Variants in PLD5 observed in about 807,000 individuals in gnomAD.
The protein encoded by PLD5 is inactive phospholipase D5.
PLD5 carries 36 observed loss-of-function variants against 61.1 expected under a neutral mutation model. The observed-to-expected ratio is 0.59, with a 90% CI of 0.45 to 0.78. PLD5 has a LOEUF of 0.78. Ranked by LOEUF, PLD5 falls within the 30% of genes least tolerant of loss-of-function variation. The pLI is 0.00. For synonymous variants in PLD5, 243 were observed against 242.8 expected (o/e 1.00, Z -0.01); for missense variants, 515 against 644.4 (o/e 0.80, Z 2.17).
At chr1:242,338,533 T>C (rs989086661) in intron 2 of PLD5, among the ~76,000 whole-genome samples, 18 of 152,292 alleles carry the variant, frequency 1.2e-4, no homozygotes, top group African/African-American at 4.1e-4. Flanking sequence ...GTCAACATCA[T>C]TAATCATATA....
At chr1:242,252,770 G>T (rs950261205) in intron 4 of PLD5, among the ~76,000 whole-genome samples, 1 of 150,862 alleles carries the variant, frequency 6.6e-6, no homozygotes, top group African/African-American at 2.4e-5. Context: ...CTTTCTGAAA[G>T]ACTGCCATTT....
chr1:242,344,674 G>C (rs1452599807), intron 2 of PLD5, among the ~76,000 whole-genome samples: 1 of 151,974 alleles, frequency 6.6e-6, no homozygotes, highest in Non-Finnish European at 1.5e-5. Context: ...TTTAATCTAT[G>C]ATTTTTAAGG....
chr1:242,340,602 C>T (rs531148764), intron 2 of PLD5, among the ~76,000 whole-genome samples: 78 of 152,058 alleles, frequency 5.1e-4, no homozygotes, highest in African/African-American at 1.5e-3. Context: ...ATGACAGATG[C>T]TATTGTATCA....
chr1:242,212,197 G>T (rs982565996), intron 5 of PLD5, among the ~76,000 whole-genome samples: 1 of 152,118 alleles, frequency 6.6e-6, no homozygotes, highest in African/African-American at 2.4e-5. Context: ...AAGGGGAAAC[G>T]GAGGTTTTGC....
chr1:242,229,323 C>A (rs1355686507), intron 4 of PLD5, among the ~76,000 whole-genome samples: 1 of 152,152 alleles, frequency 6.6e-6, no homozygotes, highest in East Asian at 1.9e-4. Context: ...CGCATATTAC[C>A]AGCAGCTTTA....
chr1:242,331,698 A>G (rs1659182717), intron 2 of PLD5, among the ~76,000 whole-genome samples: 2 of 152,194 alleles, frequency 1.3e-5, no homozygotes, highest in Middle Eastern at 3.2e-3. Context: ...TGTGTCTTAT[A>G]TTGTTCAAAA....
At chr1:242,385,142 A>G (rs1662526210) in intron 1 of PLD5, among the ~76,000 whole-genome samples, 1 of 152,254 alleles carries the variant, frequency 6.6e-6, no homozygotes, top group Non-Finnish European at 1.5e-5. Context: ...CACTATAAAC[A>G]GTAAATAAAT....
At chr1:242,291,546 C>G (rs1467799043) in intron 2 of PLD5, among the ~76,000 whole-genome samples, 4 of 152,052 alleles carry the variant, frequency 2.6e-5, no homozygotes, top group African/African-American at 9.7e-5. Context: ...GTGGCTCACA[C>G]CTGTAATCCC....
chr1:242,375,769 C>T (rs974237421), intron 1 of PLD5, among the ~76,000 whole-genome samples: 19 of 152,118 alleles, frequency 1.2e-4, no homozygotes, highest in African/African-American at 4.3e-4. Flanking sequence ...GAACTACCAA[C>T]ATTAAATATA....
intron 1 of PLD5, among the ~76,000 whole-genome samples, chr1:242,352,006 G>A (rs190244599): frequency 1.1e-3 from 165 of 152,212 alleles, no homozygotes; most frequent in African/African-American, 3.9e-3. Flanking sequence ...AATATCGGTA[G>A]AATCATAAGT....
intron 4 of PLD5, among the ~76,000 whole-genome samples, chr1:242,236,635 G>A (rs181048867): frequency 1.7e-4 from 26 of 152,182 alleles, no homozygotes; most frequent in Admixed American, 1.5e-3. Context: ...TTGCACCATG[G>A]GAAATCTTTT....
chr1:242,364,648 G>A (rs1422688910), intron 1 of PLD5, among the ~76,000 whole-genome samples: 5 of 152,078 alleles, frequency 3.3e-5, no homozygotes, highest in African/African-American at 7.2e-5. Flanking sequence ...CCCAGGAGGC[G>A]GAGGTTGCAG....
chr1:242,498,642 A>C lies in PLD5; in HGVS notation c.189+25446T>G, dbSNP rs534948644. 2.6e-5 allele frequency among the ~76,000 whole-genome samples: 4 copies of C among 152,340 alleles called. No individual in the cohort carries two copies. In the South Asian group the frequency reaches 8.3e-4, roughly 32 times the overall value. ...ATTTATGTTTTCTATTAAAACTAAC[A>C]CTGCTGTAATGTCACCCTCTTACAG... On this transcript the variant is annotated intron_variant, in intron 1 of 9. Coordinates refer to ENST00000536534, the MANE Select transcript of PLD5 (RefSeq NM_001372062.1).
At chr1:242,397,599 A>G (rs1663668037) in intron 1 of PLD5, among the ~76,000 whole-genome samples, 1 of 152,092 alleles carries the variant, frequency 6.6e-6, no homozygotes, top group African/African-American at 2.4e-5. Flanking sequence ...GGATAAGAGA[A>G]AAACAGATCC....
intron 1 of PLD5, among the ~76,000 whole-genome samples, chr1:242,410,378 C>T (rs1664481810): frequency 6.7e-6 from 1 of 150,174 alleles, no homozygotes; most frequent in Non-Finnish European, 1.5e-5. Context: ...AACCCACTGG[C>T]TTTCCAGAGT....
rs55916345 is a variant in PLD5, at chr1:242,233,154, AAATGAATG to A, written c.608-13047_608-13040del. On this transcript the variant is annotated intron_variant, in intron 4 of 9. Coordinates refer to ENST00000536534, the MANE Select transcript of PLD5 (RefSeq NM_001372062.1). ...GGGTGACAGAGCAAGATTCTGACTC[AAATGAATG>A]AATGAATGAATGAATGAATGAATGA... Among the ~76,000 whole-genome samples the A allele has an allele frequency of 2.3e-3, 352 of 149,954 alleles. 1 individual carries two copies. The highest frequency in any genetic ancestry group is 0.017 in the Middle Eastern group (5 of 290).
chr1:242,449,599 C>T, intron 1 of PLD5: 1 of 1,245,042 alleles, frequency 8.0e-7, no homozygotes. Flanking sequence ...CTAGAATGTG[C>T]TCTTAAAAAC....
chr1:242,497,336 A>G (rs556371925), intron 1 of PLD5, among the ~76,000 whole-genome samples: 51 of 152,344 alleles, frequency 3.3e-4, no homozygotes, highest in African/African-American at 9.9e-4. Flanking sequence ...TTATTTTACT[A>G]TAGTCCAATC....
chr1:242,499,919 C>T (rs920783204), intron 1 of PLD5, among the ~76,000 whole-genome samples: 1 of 152,152 alleles, frequency 6.6e-6, no homozygotes, highest in Non-Finnish European at 1.5e-5. Context: ...CTCACATGTC[C>T]AGAACCTTGG....
Sources: allele counts gnomAD v4.1 joint callset (sites outside exome capture counted in the v4.1 genomes callset), GRCh38; gene constraint gnomAD v4.1.1; transcripts MANE v1.5; gene names NCBI Gene and HGNC (gene_info 2026-07-23, HGNC 2026-07-21).